Variants in ITSN2 observed in about 807,000 individuals in gnomAD.
ITSN2 encodes the protein intersectin 2.
ITSN2 carries 156 observed loss-of-function variants against 243.7 expected under a neutral mutation model. The observed-to-expected ratio is 0.64, with a 90% CI of 0.56 to 0.73. The LOEUF (loss-of-function observed/expected upper bound fraction) is 0.73. ITSN2 is among the 30% of genes least tolerant of loss of function. The pLI is 0.00. For missense variants in ITSN2, 1,801 were observed against 1,996.1 expected (o/e 0.90, Z 1.86); for synonymous variants, 703 against 699.9 (o/e 1.00, Z -0.07).
At position 24,221,798 on chromosome 2, in the gene ITSN2, C is replaced by T. The variant is rs114454928; in HGVS notation, c.3578-732G>A. ...CAACCTTGCATCAGGGTGAGAGGTA[C>T]TGCATTCACTATGGATCAATTCACA... On this transcript the variant is annotated intron_variant, in intron 29 of 39. Transcript: ENST00000355123. Among the ~76,000 whole-genome samples the T allele has an allele frequency of 2.1e-3, 327 of 152,344 alleles. 2 individuals carry two copies. Among genetic ancestry groups the T allele is most frequent in the African/African-American group, 7.8e-3 (324 of 41,590 alleles).
At chr2:24,277,239 A>T (rs1678128658) in intron 17 of ITSN2, among the ~76,000 whole-genome samples, 1 of 152,252 alleles carries the variant, frequency 6.6e-6, no homozygotes, top group South Asian at 2.1e-4. Context: ...CTTCATGGCA[A>T]AGGTGAGAGC....
Position 24,312,384 on chromosome 2 carries a change from AGCATGAG to A in ITSN2, c.189-16_189-10del, listed in dbSNP as rs1156303260. 1 of 1,594,748 alleles carries A rather than the reference AGCATGAG, an allele frequency of 6.3e-7. No individual in the cohort carries two copies. Among genetic ancestry groups the A allele is most frequent in the Admixed American group, 1.7e-5 (1 of 57,964 alleles). ...TTAGGTCTGATAAAGCCCTAAAAGG[AGCATGAG>A]GTAGGTAGATTGCTATGTGGTGTGG... is the stretch of plus-strand genomic sequence containing the variant. On this transcript the variant is annotated splice_polypyrimidine_tract_variant and intron_variant, in intron 4 of 39. Transcript: ENST00000355123.
chr2:24,224,410 A>G (rs983674341), intron 29 of ITSN2, among the ~76,000 whole-genome samples: 1 of 152,256 alleles, frequency 6.6e-6, no homozygotes, highest in Non-Finnish European at 1.5e-5. Context: ...GTTGAGCACC[A>G]CAAGGATACA....
chr2:24,216,835 C>T (rs1358598211), intron 31 of ITSN2, among the ~76,000 whole-genome samples: 1 of 152,184 alleles, frequency 6.6e-6, no homozygotes, highest in African/African-American at 2.4e-5. Context: ...CCTGTAATCC[C>T]AGCACTTTGA....
chr2:24,270,666 C>T lies in ITSN2; in HGVS notation c.2355+5G>A, dbSNP rs1434945898. ...TCATGATTAAAAAAAAAATTCATTT[C>T]CTACCTGAATTATATCTCCAGAATT... On this transcript the variant is annotated splice_donor_5th_base_variant and intron_variant, in intron 20 of 39. Coordinates refer to ENST00000355123, the MANE Select transcript of ITSN2 (RefSeq NM_006277.3). The T allele has an allele frequency of 1.3e-5, 19 of 1,472,066 alleles. No individual in the cohort carries two copies. The highest frequency in any genetic ancestry group is 1.7e-5 in the Non-Finnish European group (18 of 1,059,776). The allele number at this position is 1,472,066 out of a possible 1,614,324, so 91.2% of individuals were successfully genotyped here. A position where few individuals can be genotyped will look rare whatever the true frequency, so the allele number is the denominator to read the frequency against.
intron 25 of ITSN2, among the ~76,000 whole-genome samples, chr2:24,250,550 A>G (rs577589289): frequency 1.3e-5 from 2 of 152,202 alleles, no homozygotes; most frequent in African/African-American, 2.4e-5. Flanking sequence ...GTGATTCAAT[A>G]TTTTCCAAAT....
At chr2:24,306,752 C>T (rs530596177) in intron 8 of ITSN2, among the ~76,000 whole-genome samples, 57 of 152,190 alleles carry the variant, frequency 3.7e-4, no homozygotes, top group African/African-American at 1.3e-3. Flanking sequence ...CCTCTTGCCA[C>T]ATCCTCCCAA....
chr2:24,315,891 A>G (rs1364589759), intron 2 of ITSN2, among the ~76,000 whole-genome samples: 1 of 152,102 alleles, frequency 6.6e-6, no homozygotes, highest in Non-Finnish European at 1.5e-5. Flanking sequence ...TTTTTTTCAT[A>G]AATTACTCAG....
At chr2:24,248,576 A>T (rs1330557156) in intron 27 of ITSN2, 53 bp downstream of exon 27, 19 of 1,444,760 alleles carry the variant, frequency 1.3e-5, no homozygotes, top group Non-Finnish European at 1.7e-5. Flanking sequence ...TTTTTTATGG[A>T]GCATGCAGTA....
chr2:24,306,942 A>T (rs557082684), intron 8 of ITSN2, among the ~76,000 whole-genome samples: 11 of 152,000 alleles, frequency 7.2e-5, no homozygotes, highest in African/African-American at 2.4e-4. Context: ...AGTAGCTGGG[A>T]CTACAGGTGT....
intron 16 of ITSN2, among the ~76,000 whole-genome samples, chr2:24,285,518 C>T (rs924971940): frequency 1.6e-4 from 25 of 152,162 alleles, no homozygotes; most frequent in African/African-American, 6.0e-4. Flanking sequence ...ATAGCTTATG[C>T]TCTGGAAACT....
intron 24 of ITSN2, among the ~76,000 whole-genome samples, chr2:24,253,151 A>G (rs1390552703): frequency 6.6e-6 from 1 of 152,202 alleles, no homozygotes; most frequent in African/African-American, 2.4e-5. Flanking sequence ...ACTGCTTAGA[A>G]GAAACAGTTG....
At chr2:24,227,055 G>GC (rs2151182098) in intron 29 of ITSN2, among the ~76,000 whole-genome samples, 1 of 152,182 alleles carries the variant, frequency 6.6e-6, no homozygotes, top group South Asian at 2.1e-4. Flanking sequence ...GGCAGAGGCT[G>GC]CAGTGAGCTG....
intron 32 of ITSN2, among the ~76,000 whole-genome samples, chr2:24,214,024 G>A (rs537824124): frequency 6.6e-6 from 1 of 152,248 alleles, no homozygotes; most frequent in South Asian, 2.1e-4. Flanking sequence ...ATAGATGAGG[G>A]GACTGAAGGC....
In ITSN2 at chr2:24,313,480, G is replaced by T; in HGVS notation, c.168C>A (p.Ala56=). 1 of 1,613,090 alleles carries T rather than the reference G, an allele frequency of 6.2e-7. No homozygotes were observed. Among genetic ancestry groups the T allele is most frequent in the Non-Finnish European group, 8.5e-7 (1 of 1,179,518 alleles). Residue 56 remains alanine (A), a synonymous_variant, in exon 4 of 40, where the codon GCC becomes GCA. Transcript: ENST00000355123. ...TTTACCATATTTCAGCTAAAACAGG[G>T]GCCGGCAGACCTGATTGTAGGAAAA... ...RNFFLQSGLP[A]PVLAEIWALS...
At chr2:24,228,232 A>T (rs1295556050) in intron 29 of ITSN2, among the ~76,000 whole-genome samples, 1 of 152,244 alleles carries the variant, frequency 6.6e-6, no homozygotes, top group Non-Finnish European at 1.5e-5. Flanking sequence ...AGAGAAAAAA[A>T]TAACTGTCCA....
chr2:24,286,232 A>T lies in ITSN2; in HGVS notation c.1843T>A (p.Ser615Thr), dbSNP rs1344025343. Residue 615 changes from serine (S) to threonine (T), a missense_variant, in exon 16 of 40, where the codon TCT becomes ACT. Physicochemically the swap from Ser to Thr is moderately conservative, Grantham distance 58. This residue lies in a region of ITSN2 where 787 missense variants were observed against 803.9 expected (regional missense o/e 0.98). Transcript: ENST00000355123. ...ETASKLSEMDSFNNQLKCGNM... is the reference protein window; with the variant it reads ...ETASKLSEMDTFNNQLKCGNM... ...AATACCTTTAGTTGATTGTTAAAAGAATCCATTTCTGACAGCTTAGATGCA... is the reference window on the plus strand; with the variant it reads ...AATACCTTTAGTTGATTGTTAAAAGTATCCATTTCTGACAGCTTAGATGCA... 1.3e-6 allele frequency: 2 copies of T among 1,590,742 alleles called. No individual in the cohort carries two copies. The highest frequency in any genetic ancestry group is 2.3e-5 in the South Asian group (2 of 88,716).
intron 3 of ITSN2, 95 bp downstream of exon 3, chr2:24,315,034 TTTA>T: frequency 2.0e-6 from 1 of 511,258 alleles, no homozygotes; most frequent in East Asian, 3.1e-5. Flanking sequence ...AATTTTATCG[TTTA>T]TTAACACAAA....
chr2:24,274,661 A>G (rs1164492634), intron 18 of ITSN2, among the ~76,000 whole-genome samples: 1 of 152,184 alleles, frequency 6.6e-6, no homozygotes, highest in Admixed American at 6.5e-5. Context: ...TATGAGGAGT[A>G]ATCCAAAGTC....
Sources: allele counts gnomAD v4.1 joint callset (sites outside exome capture counted in the v4.1 genomes callset), GRCh38; gene constraint gnomAD v4.1.1; regional missense constraint gnomAD v4.1.1; transcripts MANE v1.5; gene names NCBI Gene and HGNC (gene_info 2026-07-23, HGNC 2026-07-21).